LRP1B: variants seen among roughly 807,000 people sequenced by gnomAD.
LRP1B encodes the protein LDL receptor related protein 1B, also known as low-density lipoprotein receptor-related protein 1B.
Under a neutral mutation model 556.6 loss-of-function variants are expected in LRP1B, and 217 were observed. The observed-to-expected ratio is 0.39, with a 90% CI of 0.35 to 0.44. The LOEUF is 0.44. Ranked by LOEUF, LRP1B falls within the 20% of genes least tolerant of loss-of-function variation. The pLI is 1.00. For synonymous variants in LRP1B, 2,047 were observed against 1,865.8 expected, an observed-to-expected ratio of 1.10 and a Z score of -2.50; for missense variants, 5,053 against 5,620.8, an observed-to-expected ratio of 0.90 and a Z score of 3.23.
intron 1 of LRP1B, among the ~76,000 whole-genome samples, chr2:141,902,682 T>A (rs1225555874): frequency 6.6e-6 from 1 of 151,420 alleles, no homozygotes; most frequent in East Asian, 2.0e-4. Flanking sequence ...CAATATGAAC[T>A]TACTCTTGAA....
intron 1 of LRP1B, among the ~76,000 whole-genome samples, chr2:142,082,342 T>C (rs1446001438): frequency 6.6e-6 from 1 of 152,216 alleles, no homozygotes; most frequent in Admixed American, 6.5e-5. Context: ...TGGCTTTTTT[T>C]TCTCATTTGG....
chr2:140,893,156 C>T (rs1429350), intron 23 of LRP1B, among the ~76,000 whole-genome samples: 119,890 of 152,020 alleles, frequency 0.79, 47,635 homozygotes, highest in Non-Finnish European at 0.84. Flanking sequence ...TCCTGCCTGA[C>T]CTTCAAAAGA....
chr2:140,502,014 A>T (rs1396419533), intron 54 of LRP1B, 140 bp from the exon 55 acceptor site: 7 of 580,770 alleles, frequency 1.2e-5, no homozygotes, highest in East Asian at 9.2e-5. Context: ...TTACATATTC[A>T]GTATAATATC....
Position 140,364,723 on chromosome 2 carries a change from A to T in LRP1B, c.11069T>A (p.Phe3690Tyr), listed in dbSNP as rs1220560996. Residue 3690 changes from phenylalanine to tyrosine, a missense_variant, in exon 72 of 91, where the codon TTC becomes TAC. Physicochemically the swap from Phe to Tyr is conservative, Grantham distance 22. This residue lies in a region of LRP1B where 599 missense variants were observed against 648.4 expected (regional missense o/e 0.92). Transcript: ENST00000389484. ...GTCGTCCTCTCCATCACACACCCAG[A>T]AATGTAGTTTGCAGAGAGAATTATT... The part of the protein sequence containing the change: ...LCNNSLCKLH[F>Y]WVCDGEDDCG... 1 of 1,610,426 alleles carries T rather than the reference A, an allele frequency of 6.2e-7. No homozygotes were observed. The highest frequency in any genetic ancestry group is 8.5e-7 in the Non-Finnish European group (1 of 1,177,530).
intron 1 of LRP1B, among the ~76,000 whole-genome samples, chr2:142,103,342 T>A (rs1324935363): frequency 6.6e-6 from 1 of 151,976 alleles, no homozygotes; most frequent in African/African-American, 2.4e-5. Context: ...GACCAAACTG[T>A]TAACTCAATG....
intron 43 of LRP1B, among the ~76,000 whole-genome samples, chr2:140,548,873 C>T (rs1047180971): frequency 1.3e-5 from 2 of 151,926 alleles, no homozygotes; most frequent in Admixed American, 6.6e-5. Context: ...TGCAGTGAGC[C>T]AAGATCATGC....
Position 140,358,117 on chromosome 2 carries a change from C to A in LRP1B, c.11258-1G>T, listed in dbSNP as rs2105135572. 6.2e-7 allele frequency: 1 copy of A among 1,609,168 alleles called. No homozygotes were observed. The highest frequency in any genetic ancestry group is 8.5e-7 in the Non-Finnish European group (1 of 1,176,926). ...GGCCTTGCTTTATATGTCAGCTTAC[C>A]TATAGAGTCATACAAAAAATGATTA... On this transcript the variant is annotated splice_acceptor_variant, in intron 73 of 90. Coordinates refer to ENST00000389484, the MANE Select transcript of LRP1B (RefSeq NM_018557.3). LOFTEE classifies it high-confidence loss of function.
At chr2:141,695,523 G>A (rs1002277439) in intron 2 of LRP1B, among the ~76,000 whole-genome samples, 7 of 151,896 alleles carry the variant, frequency 4.6e-5, no homozygotes, top group Admixed American at 6.6e-5. Context: ...GATGAGGAAG[G>A]CTTAGAAGTT....
At chr2:141,352,905 A>G (rs1304253768) in intron 3 of LRP1B, among the ~76,000 whole-genome samples, 1 of 152,004 alleles carries the variant, frequency 6.6e-6, no homozygotes, top group South Asian at 2.1e-4. Flanking sequence ...AATAGTTTAT[A>G]TATTTATATT....
At chr2:141,388,882 A>T (rs999589771) in intron 3 of LRP1B, among the ~76,000 whole-genome samples, 2 of 152,226 alleles carry the variant, frequency 1.3e-5, no homozygotes, top group Non-Finnish European at 2.9e-5. Context: ...AATAATTGAA[A>T]AAACTACATT....
chr2:141,974,975 TTTTA>T (rs1168483132), intron 1 of LRP1B, among the ~76,000 whole-genome samples: 5 of 152,098 alleles, frequency 3.3e-5, no homozygotes, highest in Admixed American at 1.3e-4. Context: ...ACATCCATTT[TTTTA>T]TTTTATTTTG....
At chr2:142,000,492 T>C (rs1702622219) in intron 1 of LRP1B, among the ~76,000 whole-genome samples, 1 of 152,156 alleles carries the variant, frequency 6.6e-6, no homozygotes, top group Non-Finnish European at 1.5e-5. Context: ...TTCAAAGAAC[T>C]ATACAAATAT....
intron 72 of LRP1B, among the ~76,000 whole-genome samples, chr2:140,360,228 C>T (rs2105141343): frequency 6.6e-6 from 1 of 151,674 alleles, no homozygotes; most frequent in Non-Finnish European, 1.5e-5. Context: ...ATCCTGCAGA[C>T]TCATCCCTTG....
intron 35 of LRP1B, among the ~76,000 whole-genome samples, chr2:140,740,223 T>C (rs1413961866): frequency 6.6e-6 from 1 of 152,190 alleles, no homozygotes; most frequent in Non-Finnish European, 1.5e-5. Context: ...CTGATGTTTA[T>C]AGCAGCACAA....
At chr2:141,082,640 G>A (rs1366554887) in intron 7 of LRP1B, among the ~76,000 whole-genome samples, 1 of 152,230 alleles carries the variant, frequency 6.6e-6, no homozygotes, top group Non-Finnish European at 1.5e-5. Flanking sequence ...TTAGAAAGCT[G>A]TAATAAACCT....
chr2:141,701,841 T>C (rs986309258), intron 2 of LRP1B, among the ~76,000 whole-genome samples: 2 of 151,864 alleles, frequency 1.3e-5, no homozygotes, highest in African/African-American at 4.8e-5. Context: ...AATAACTCAA[T>C]TTTCAATATT....
At chr2:140,833,954 A>G (rs1327526698) in intron 31 of LRP1B, among the ~76,000 whole-genome samples, 2 of 152,232 alleles carry the variant, frequency 1.3e-5, no homozygotes, top group African/African-American at 4.8e-5. Flanking sequence ...TTAATAACAT[A>G]ACATTACTAG....
At chr2:140,454,753 T>C (rs1433197138) in intron 62 of LRP1B, among the ~76,000 whole-genome samples, 4 of 152,336 alleles carry the variant, frequency 2.6e-5, no homozygotes, top group East Asian at 1.9e-4. Context: ...TAAACAGTTA[T>C]AGGTTTTCAT....
At chr2:141,551,856 A>T (rs1294640768) in intron 2 of LRP1B, among the ~76,000 whole-genome samples, 1 of 151,984 alleles carries the variant, frequency 6.6e-6, no homozygotes, top group African/African-American at 2.4e-5. Flanking sequence ...TCCACAGCCA[A>T]TTTGGTGTTC....
Sources: allele counts gnomAD v4.1 joint callset (sites outside exome capture counted in the v4.1 genomes callset), GRCh38; gene constraint gnomAD v4.1.1; regional missense constraint gnomAD v4.1.1; transcripts MANE v1.5; gene names NCBI Gene and HGNC (gene_info 2026-07-23, HGNC 2026-07-21).